Variants in SUV39H2 observed in about 807,000 individuals in gnomAD.
The protein encoded by SUV39H2 is SUV39H2 histone lysine methyltransferase.
A neutral mutation model predicts 47.5 loss-of-function variants in SUV39H2; 10 were observed. The ratio of observed to expected loss-of-function variants is 0.21; its 90% CI spans 0.13 to 0.36. The LOEUF (loss-of-function observed/expected upper bound fraction) is 0.36, where lower values mean the gene tolerates loss of function less well. SUV39H2 is among the 10% of genes least tolerant of loss of function. The pLI is 1.00. For missense variants in SUV39H2, 266 were observed against 487.4 expected, an observed-to-expected ratio of 0.55 and a Z score of 4.28; for synonymous variants, 159 against 166.8, an observed-to-expected ratio of 0.95 and a Z score of 0.36.
intron 2 of SUV39H2, among the ~76,000 whole-genome samples, chr10:14,892,816 C>CTT (rs543122499): frequency 4.3e-5 from 6 of 139,502 alleles, no homozygotes; most frequent in South Asian, 4.6e-4. Context: ...GGGGAAATGT[C>CTT]TTTTTTTTTT....
chr10:14,887,736 A>G (rs559145110), intron 2 of SUV39H2, among the ~76,000 whole-genome samples: 5 of 152,236 alleles, frequency 3.3e-5, no homozygotes, highest in Non-Finnish European at 2.9e-5. Context: ...CTGATACTAC[A>G]GAGTTTATCG....
chr10:14,882,947 A>G (rs1833084606), intron 2 of SUV39H2, among the ~76,000 whole-genome samples: 1 of 151,072 alleles, frequency 6.6e-6, no homozygotes, highest in Admixed American at 6.6e-5. Flanking sequence ...AGCTCACTGC[A>G]ACCTCCACCT....
At chr10:14,883,209 C>CT (rs965586207) in intron 2 of SUV39H2, among the ~76,000 whole-genome samples, 2 of 152,090 alleles carry the variant, frequency 1.3e-5, no homozygotes, top group Non-Finnish European at 2.9e-5. Context: ...ATCAAGCTCT[C>CT]TTTTTTTACT....
chr10:14,902,735 A>G lies in SUV39H2; in HGVS notation c.*223A>G. On this transcript the variant is annotated 3_prime_UTR_variant, in exon 6 of 6. Coordinates refer to ENST00000354919, the MANE Select transcript of SUV39H2 (RefSeq NM_001193424.2). ...GACATATTTATAGTGCTTAGAGACC[A>G]AACTAATGGAAGGCAGACTATTTAC... 3.0e-6 allele frequency: 1 copy of G among 336,740 alleles called. No homozygotes were observed. Among genetic ancestry groups the G allele is most frequent in the South Asian group, 5.4e-5 (1 of 18,644 alleles). The allele number at this position is 336,740 out of a possible 1,614,324, so 20.9% of individuals were successfully genotyped here.
At chr10:14,891,431 A>G (rs1416189478) in intron 2 of SUV39H2, among the ~76,000 whole-genome samples, 1 of 152,226 alleles carries the variant, frequency 6.6e-6, no homozygotes, top group South Asian at 2.1e-4. Flanking sequence ...AAGCAAAATA[A>G]CAACAGGATA....
chr10:14,879,002 C>T, intron 1 of SUV39H2, 83 bp downstream of exon 1: 1 of 1,330,266 alleles, frequency 7.5e-7, no homozygotes, highest in Non-Finnish European at 9.6e-7. Flanking sequence ...TCCCGCGGGC[C>T]AGCCAGATGG....
chr10:14,882,922 C>A (rs1402024011), intron 2 of SUV39H2, among the ~76,000 whole-genome samples: 1 of 150,680 alleles, frequency 6.6e-6, no homozygotes, highest in Admixed American at 6.6e-5. Flanking sequence ...GGCTGGAGTG[C>A]AGTCGTGCGA....
chr10:14,884,480 C>G (rs1234187784), intron 2 of SUV39H2, among the ~76,000 whole-genome samples: 2 of 152,128 alleles, frequency 1.3e-5, no homozygotes, highest in Non-Finnish European at 2.9e-5. Flanking sequence ...AATGTCTGTT[C>G]AGATCCTTTG....
At chr10:14,899,376 C>T (rs1211292201) in intron 3 of SUV39H2, 163 bp from the exon 4 acceptor site, 4 of 766,028 alleles carry the variant, frequency 5.2e-6, no homozygotes, top group Admixed American at 2.3e-5. Context: ...CATTTTCCCA[C>T]CTCTTTGCAT....
At chr10:14,893,055 T>A (rs1833444271) in intron 2 of SUV39H2, among the ~76,000 whole-genome samples, 1 of 142,742 alleles carries the variant, frequency 7.0e-6, no homozygotes, top group South Asian at 2.3e-4. Flanking sequence ...CAGGCTGGAG[T>A]GCAGTGGCGC....
At chr10:14,902,304 C>A in intron 5 of SUV39H2, 102 bp from the exon 6 acceptor site, 1 of 663,332 alleles carries the variant, frequency 1.5e-6, no homozygotes, top group Non-Finnish European at 2.5e-6. Context: ...CATGTAAGTA[C>A]CCTCTATCAC....
chr10:14,898,202 C>CTTTTTTTTTTTTTTTTTTTTTT (rs919860514), intron 3 of SUV39H2: 2 of 56,156 alleles, frequency 3.6e-5, no homozygotes, highest in Non-Finnish European at 7.1e-5. Context: ...AGTACTGTTT[C>CTTTTTTTTTTTTTTTTTTTTTT]TTTTTTTTTT....
intron 2 of SUV39H2, among the ~76,000 whole-genome samples, chr10:14,883,862 G>T (rs1019250618): frequency 6.6e-6 from 1 of 152,028 alleles, no homozygotes; most frequent in African/African-American, 2.4e-5. Context: ...TCTACCTCCA[G>T]CCGTAGGGCA....
intron 1 of SUV39H2, chr10:14,879,894 CACG>C (rs1832992822): frequency 6.7e-6 from 1 of 149,700 alleles, no homozygotes; most frequent in Admixed American, 6.7e-5. Flanking sequence ...TTTTTTTAAC[CACG>C]TGTTTGCAGT....
At chr10:14,885,927 T>G (rs930352261) in intron 2 of SUV39H2, among the ~76,000 whole-genome samples, 5 of 152,234 alleles carry the variant, frequency 3.3e-5, no homozygotes, top group African/African-American at 1.2e-4. Flanking sequence ...CAAGCCTTGC[T>G]TTAGACCTTT....
chr10:14,879,993 A>C (rs1262894334), intron 1 of SUV39H2: 1 of 151,750 alleles, frequency 6.6e-6, no homozygotes, highest in East Asian at 1.9e-4. Flanking sequence ...CTAGATAAAA[A>C]TGTTTAGGAA....
Position 14,902,587 on chromosome 10 carries a change from G to T in SUV39H2, c.*75G>T. The T allele has an allele frequency of 2.2e-6, 2 of 911,472 alleles. No homozygotes were observed. The highest frequency in any genetic ancestry group is 2.8e-5 in the East Asian group (1 of 35,400). The allele number at this position is 911,472 out of a possible 1,614,324, so 56.5% of individuals were successfully genotyped here. On this transcript the variant is annotated 3_prime_UTR_variant, in exon 6 of 6. Coordinates refer to ENST00000354919, the MANE Select transcript of SUV39H2 (RefSeq NM_001193424.2). Reference sequence around the variant, plus strand: ...TAACATTTTTAAAAATACATATTTGGGACTCTTATTATCAAGGTTCTACCT... The same window carrying T: ...TAACATTTTTAAAAATACATATTTGTGACTCTTATTATCAAGGTTCTACCT...
rs1303168312 is a variant in SUV39H2 at position 14,903,191 on chromosome 10, A to G, written c.*679A>G. The G allele has an allele frequency of 2.6e-5, 4 of 152,154 alleles. No individual in the cohort carries two copies. Among genetic ancestry groups the G allele is most frequent in the Non-Finnish European group, 5.9e-5 (4 of 68,030 alleles). The allele number at this position is 152,154 out of a possible 1,614,324, so 9.4% of individuals were successfully genotyped here. On this transcript the variant is annotated 3_prime_UTR_variant, in exon 6 of 6. Transcript: ENST00000354919. ...GACTTCTTAATCTTCTAGAAGAAAA[A>G]TCTCCGAAGAGCTCTCTCTAGAAGT...
rs777832782 is a variant in SUV39H2, at chr10:14,899,646, G to A, written c.957G>A (p.Ala319=). The change falls in exon 4 of 6, where the codon GCG becomes GCA. Residue 319 remains alanine, a synonymous_variant. Coordinates refer to ENST00000354919, the MANE Select transcript of SUV39H2 (RefSeq NM_001193424.2). Reference sequence around the variant, plus strand: ...AGTCTGATGAATTCACAGTGGATGCGGCTCGATACGGCAATGTGTCTCATT... The same window carrying A: ...AGTCTGATGAATTCACAGTGGATGCAGCTCGATACGGCAATGTGTCTCATT... ...DYESDEFTVD[A]ARYGNVSHFV... The A allele has an allele frequency of 3.1e-6, 5 of 1,613,928 alleles. No homozygotes were observed. The highest frequency in any genetic ancestry group is 4.2e-6 in the Non-Finnish European group (5 of 1,179,986).
Sources: gnomAD v4.1 joint callset for allele counts (sites outside exome capture counted in the v4.1 genomes callset) on GRCh38, gnomAD v4.1.1 for gene constraint, MANE v1.5 for transcripts, NCBI Gene and HGNC (gene_info 2026-07-23, HGNC 2026-07-21) for gene names.